FOXO3: variants seen among roughly 807,000 people sequenced by gnomAD.
The protein encoded by FOXO3 is forkhead box protein O3.
Under a neutral mutation model 41.9 loss-of-function variants are expected in FOXO3, and 4 were observed. The ratio of observed to expected loss-of-function variants is 0.10; its 90% CI spans 0.05 to 0.22. FOXO3 has a LOEUF of 0.22. FOXO3 is among the 10% of genes least tolerant of loss of function. FOXO3 has a pLI of 1.00. For missense variants in FOXO3, 534 were observed against 906.8 expected (o/e 0.59, Z 5.28); for synonymous variants, 318 against 389.3 (o/e 0.82, Z 2.16).
chr6:108,602,657 C>T (rs1353565505), intron 1 of FOXO3, among the ~76,000 whole-genome samples: 6 of 136,432 alleles, frequency 4.4e-5, no homozygotes, highest in Non-Finnish European at 8.0e-5. Context: ...AAAACCAAAC[C>T]AAAAAAAAAA....
Position 108,663,707 on chromosome 6 carries a change from C to A in FOXO3, c.874C>A (p.Pro292Thr). Reference protein sequence around the residue: ...DDSPSQLSKWPGSPTSRSSDE... With the variant: ...DDSPSQLSKWTGSPTSRSSDE... ...CAGTCCCTCCCAGCTCTCCAAGTGG[C>A]CTGGCAGCCCCACGTCACGCAGCAG... Residue 292 changes from proline to threonine, a missense_variant, in exon 2 of 3, where the codon CCT becomes ACT. Physicochemically the swap from Pro to Thr is conservative, Grantham distance 38. This residue lies in a region of FOXO3 where 185 missense variants were observed against 224.9 expected (regional missense o/e 0.82). Transcript: ENST00000406360. 6.2e-7 allele frequency: 1 copy of A among 1,612,194 alleles called. No individual in the cohort carries two copies.
chr6:108,659,986 A>G (rs1016950875), intron 1 of FOXO3, among the ~76,000 whole-genome samples: 2 of 152,156 alleles, frequency 1.3e-5, no homozygotes, highest in Non-Finnish European at 2.9e-5. Flanking sequence ...AATGCTTTTT[A>G]AGGGGGTATA....
chr6:108,662,865 T>C (rs935743520), intron 1 of FOXO3, among the ~76,000 whole-genome samples: 1 of 152,110 alleles, frequency 6.6e-6, no homozygotes, highest in African/African-American at 2.4e-5. Context: ...ATATGGGCAA[T>C]ATAATTACAG....
chr6:108,676,020 G>T (rs979250740), intron 2 of FOXO3, among the ~76,000 whole-genome samples: 7 of 152,162 alleles, frequency 4.6e-5, no homozygotes, highest in African/African-American at 1.7e-4. Context: ...GCAGAAACTT[G>T]TCTTCCCTAC....
At chr6:108,648,890 A>T (rs1778466631) in intron 1 of FOXO3, among the ~76,000 whole-genome samples, 1 of 151,518 alleles carries the variant, frequency 6.6e-6, no homozygotes, top group African/African-American at 2.4e-5. Flanking sequence ...CCAGCTTCTC[A>T]GGAAGCTGAG....
At chr6:108,615,814 T>C (rs564172001) in intron 1 of FOXO3, among the ~76,000 whole-genome samples, 9 of 152,110 alleles carry the variant, frequency 5.9e-5, no homozygotes, top group Admixed American at 1.3e-4. Context: ...TTGCTGTTGT[T>C]GTGTCTTATA....
intron 1 of FOXO3, among the ~76,000 whole-genome samples, chr6:108,623,671 A>G (rs767319702): frequency 1.3e-5 from 2 of 152,230 alleles, no homozygotes; most frequent in African/African-American, 2.4e-5. Context: ...CAAATGAAGT[A>G]TATACCAGTT....
At chr6:108,600,576 ATG>A in intron 1 of FOXO3, among the ~76,000 whole-genome samples, 2 of 142,444 alleles carry the variant, frequency 1.4e-5, no homozygotes, top group South Asian at 2.3e-4. Flanking sequence ...AAAAAAAAGT[ATG>A]TGTGTTCATT....
At chr6:108,597,330 A>G (rs573433698) in intron 1 of FOXO3, among the ~76,000 whole-genome samples, 45 of 152,348 alleles carry the variant, frequency 3.0e-4, no homozygotes, top group African/African-American at 1.1e-3. Context: ...CCAGAAGCAC[A>G]CCAGGCTGAG....
chr6:108,590,361 A>C (rs1776700491), intron 1 of FOXO3, among the ~76,000 whole-genome samples: 1 of 152,140 alleles, frequency 6.6e-6, no homozygotes, highest in African/African-American at 2.4e-5. Flanking sequence ...AATGCTCCAA[A>C]ATCTGAAACT....
At chr6:108,658,711 A>T (rs1332532522) in intron 1 of FOXO3, among the ~76,000 whole-genome samples, 8 of 152,134 alleles carry the variant, frequency 5.3e-5, no homozygotes, top group Non-Finnish European at 1.2e-4. Flanking sequence ...GGTGTGAGCC[A>T]CCGTGCCTGG....
chr6:108,637,957 GAA>G (rs1404373202), intron 1 of FOXO3, among the ~76,000 whole-genome samples: 1 of 152,092 alleles, frequency 6.6e-6, no homozygotes, highest in Non-Finnish European at 1.5e-5. Flanking sequence ...GAACAGGAAA[GAA>G]AATTGTGTTT....
intron 2 of FOXO3, among the ~76,000 whole-genome samples, chr6:108,674,362 C>T (rs550891993): frequency 6.6e-6 from 1 of 152,302 alleles, no homozygotes; most frequent in South Asian, 2.1e-4. Context: ...TTACCAGGTT[C>T]CTTGGGACAT....
intron 1 of FOXO3, among the ~76,000 whole-genome samples, chr6:108,641,673 C>T (rs1319840600): frequency 2.0e-5 from 3 of 151,920 alleles, no homozygotes; most frequent in African/African-American, 7.3e-5. Context: ...TGGTTGCTCC[C>T]ATAGCAAGCA....
At chr6:108,560,729 G>C (rs1230144755), upstream of FOXO3, 2 of 219,494 alleles carry the variant, frequency 9.1e-6, no homozygotes, top group Non-Finnish European at 1.8e-5. Flanking sequence ...ACCGCGGCTC[G>C]GCTGCGCCAG....
intron 1 of FOXO3, among the ~76,000 whole-genome samples, chr6:108,654,513 A>G (rs1210609184): frequency 6.6e-6 from 1 of 152,158 alleles, no homozygotes; most frequent in Admixed American, 6.5e-5. Context: ...TTGTTTGGAT[A>G]GAAAATTGAT....
rs144292169 is a variant in FOXO3 at position 108,652,678 on chromosome 6, T to C, written c.622-10777T>C. 5.5e-3 allele frequency among the ~76,000 whole-genome samples: 837 copies of C among 152,324 alleles called. 2 individuals are homozygous for C. The highest frequency in any genetic ancestry group is 0.014 in the Middle Eastern group (4 of 294). ...GGCTTGTTTAGAAAATAAAATGAGA[T>C]CAAATTTGTCAAGCACAGAGCATTG... On this transcript the variant is annotated intron_variant, in intron 1 of 2. Coordinates refer to ENST00000406360, the MANE Select transcript of FOXO3 (RefSeq NM_001455.4).
intron 2 of FOXO3, among the ~76,000 whole-genome samples, chr6:108,665,346 A>T (rs1359654771): frequency 6.6e-6 from 1 of 152,196 alleles, no homozygotes; most frequent in African/African-American, 2.4e-5. Context: ...CTTCAGTGTT[A>T]CATGTTCTTC....
intron 1 of FOXO3, among the ~76,000 whole-genome samples, chr6:108,642,009 A>G (rs1778271815): frequency 6.6e-6 from 1 of 152,124 alleles, no homozygotes; most frequent in African/African-American, 2.4e-5. Context: ...CTTGAAGCAC[A>G]AAGCATTAAT....
Sources: allele counts gnomAD v4.1 joint callset (sites outside exome capture counted in the v4.1 genomes callset), GRCh38; gene constraint gnomAD v4.1.1; regional missense constraint gnomAD v4.1.1; transcripts MANE v1.5; gene names NCBI Gene and HGNC (gene_info 2026-07-23, HGNC 2026-07-21).